GRIK1: variants seen among roughly 807,000 people sequenced by gnomAD.
GRIK1 encodes glutamate receptor ionotropic, kainate 1.
In GRIK1, 69 loss-of-function variants were observed where a neutral mutation model predicts 105.7. The ratio of observed to expected loss-of-function variants is 0.65; its 90% CI spans 0.54 to 0.80. The LOEUF (loss-of-function observed/expected upper bound fraction) is 0.80, where lower values mean the gene tolerates loss of function less well. Among genes scored for constraint, GRIK1 ranks in the 30% least tolerant of loss-of-function variants. GRIK1 has a pLI of 0.00. For missense variants in GRIK1, 1,109 were observed against 1,167.3 expected (o/e 0.95, Z 0.73); for synonymous variants, 438 against 431.3 (o/e 1.02, Z -0.19).
intron 1 of GRIK1, among the ~76,000 whole-genome samples, chr21:29,711,990 A>G (rs2146818252): frequency 6.6e-6 from 1 of 151,890 alleles, no homozygotes; most frequent in African/African-American, 2.4e-5. Context: ...ACTGATATCA[A>G]GATTTGGGTG....
chr21:29,619,258 G>C (rs2061930066), intron 7 of GRIK1, among the ~76,000 whole-genome samples: 1 of 151,926 alleles, frequency 6.6e-6, no homozygotes, highest in African/African-American at 2.4e-5. Flanking sequence ...CCAACATAGT[G>C]AAACCTCGTC....
chr21:29,620,810 T>C lies in GRIK1; in HGVS notation c.1099-21873A>G, dbSNP rs139001797. Among the ~76,000 whole-genome samples, 73 of 114,968 alleles carry C rather than the reference T, an allele frequency of 6.3e-4. 1 individual carries two copies. The highest frequency in any genetic ancestry group is 3.4e-3 in the Admixed American group (40 of 11,740). The allele number at this position is 114,968 out of a possible 152,430, so 75.4% of individuals were successfully genotyped here. On this transcript the variant is annotated intron_variant, in intron 7 of 17. Coordinates refer to ENST00000327783, the MANE Select transcript of GRIK1 (RefSeq NM_001330994.2). ...ATATATATCTATATATATATAGATA[T>C]ATATATATAGTAATAATATATTATA...
intron 6 of GRIK1, among the ~76,000 whole-genome samples, chr21:29,646,766 T>A (rs1166453382): frequency 6.6e-6 from 1 of 152,190 alleles, no homozygotes; most frequent in Non-Finnish European, 1.5e-5. Context: ...CATCTTGGGC[T>A]ATATGTGCAA....
At chr21:29,539,987 G>A (rs1433506343) in intron 16 of GRIK1, among the ~76,000 whole-genome samples, 2 of 152,104 alleles carry the variant, frequency 1.3e-5, no homozygotes, top group Non-Finnish European at 2.9e-5. Flanking sequence ...AAACCATTAT[G>A]TTAAGAAATT....
At position 29,543,995 on chromosome 21, in the gene GRIK1, C is replaced by T. The variant is rs559555373; in HGVS notation, c.2608-6111G>A. Among the ~76,000 whole-genome samples, 16 of 152,278 alleles carry T rather than the reference C, an allele frequency of 1.1e-4. No homozygotes were observed. In the South Asian group the frequency reaches 1.9e-3, roughly 18 times the overall value. ...TTACCTCCATGTTGTCTCTTCTGCT[C>T]TATTTAATTTTTGTTCCCACACCTG... On this transcript the variant is annotated intron_variant, in intron 16 of 17. Coordinates refer to ENST00000327783, the MANE Select transcript of GRIK1 (RefSeq NM_001330994.2).
At chr21:29,837,043 A>T (rs1408111928) in intron 1 of GRIK1, among the ~76,000 whole-genome samples, 1 of 152,174 alleles carries the variant, frequency 6.6e-6, no homozygotes, top group Non-Finnish European at 1.5e-5. Flanking sequence ...CCGTAAGTAC[A>T]CCCTGATGCA....
intron 7 of GRIK1, among the ~76,000 whole-genome samples, chr21:29,617,625 A>C (rs2061884027): frequency 6.6e-6 from 1 of 152,242 alleles, no homozygotes; most frequent in African/African-American, 2.4e-5. Context: ...ACATTAAAAC[A>C]GGCTGCTTAT....
intron 1 of GRIK1, among the ~76,000 whole-genome samples, chr21:29,733,175 G>A (rs1254469552): frequency 6.6e-6 from 1 of 152,024 alleles, no homozygotes; most frequent in East Asian, 1.9e-4. Flanking sequence ...TACCATGGAT[G>A]GTTTGTGTAA....
intron 7 of GRIK1, among the ~76,000 whole-genome samples, chr21:29,599,340 A>G (rs1050539266): frequency 2.0e-5 from 3 of 152,210 alleles, no homozygotes; most frequent in African/African-American, 7.2e-5. Flanking sequence ...TGAAAAGAAT[A>G]TAGACTAATA....
At chr21:29,755,164 T>C (rs189463376) in intron 1 of GRIK1, among the ~76,000 whole-genome samples, 1 of 152,342 alleles carries the variant, frequency 6.6e-6, no homozygotes, top group East Asian at 1.9e-4. Context: ...TCTGCTCACC[T>C]CCTTTAAACT....
intron 16 of GRIK1, among the ~76,000 whole-genome samples, chr21:29,552,501 T>C (rs2146117584): frequency 6.6e-6 from 1 of 152,212 alleles, no homozygotes; most frequent in South Asian, 2.1e-4. Flanking sequence ...CTTTATTTTT[T>C]CCTTCTTGCC....
At chr21:29,808,811 T>G (rs2066931590) in intron 1 of GRIK1, among the ~76,000 whole-genome samples, 1 of 152,164 alleles carries the variant, frequency 6.6e-6, no homozygotes, top group African/African-American at 2.4e-5. Context: ...GTTTATAATT[T>G]TCCTTAGCCC....
rs190897483 is a variant in GRIK1 at position 29,846,960 on chromosome 21, A to G, written c.118+92423T>C. 2.0e-5 allele frequency among the ~76,000 whole-genome samples: 3 copies of G among 152,204 alleles called. No homozygotes were observed. In the East Asian group the frequency reaches 5.8e-4, roughly 29 times the overall value. On this transcript the variant is annotated intron_variant, in intron 1 of 17. Transcript: ENST00000327783. The stretch of plus-strand genomic sequence containing the variant: ...ATTCAAATACACATGTCAAGATTTC[A>G]TATATATTTGAGTAACAGTATGGCA...
At chr21:29,754,626 G>A (rs1231585180) in intron 1 of GRIK1, among the ~76,000 whole-genome samples, 1 of 152,200 alleles carries the variant, frequency 6.6e-6, no homozygotes, top group African/African-American at 2.4e-5. Context: ...TTGACCAGGC[G>A]ACAGTACCCA....
intron 7 of GRIK1, among the ~76,000 whole-genome samples, chr21:29,635,406 C>A (rs914444043): frequency 6.6e-6 from 1 of 152,208 alleles, no homozygotes; most frequent in Admixed American, 6.5e-5. Context: ...TGTTGTCTCT[C>A]TGTGTGTCCA....
Position 29,537,201 on chromosome 21 carries a change from C to T in GRIK1, c.*29G>A. The T allele has an allele frequency of 6.5e-7, 1 of 1,530,206 alleles. No homozygotes were observed. The highest frequency in any genetic ancestry group is 8.8e-7 in the Non-Finnish European group (1 of 1,138,994). The allele number at this position is 1,530,206 out of a possible 1,614,324, so 94.8% of individuals were successfully genotyped here. On this transcript the variant is annotated 3_prime_UTR_variant, in exon 18 of 18. Transcript: ENST00000327783. ...TCCAAAAATCTGTAGGGAATGCATC[C>T]TTTTTCTTCCTACAGGCGTTTCCTT...
At chr21:29,870,756 C>G (rs1157848446) in intron 1 of GRIK1, among the ~76,000 whole-genome samples, 1 of 152,126 alleles carries the variant, frequency 6.6e-6, no homozygotes, top group African/African-American at 2.4e-5. Context: ...TCAACCTCCA[C>G]AGTAGAACCA....
intron 1 of GRIK1, among the ~76,000 whole-genome samples, chr21:29,725,007 T>TAAA (rs76948130): frequency 3.6e-5 from 4 of 112,054 alleles, no homozygotes; most frequent in Non-Finnish European, 8.0e-5. Context: ...CTTTGCCACC[T>TAAA]AAAAAAAAAA....
chr21:29,650,812 C>T (rs2062718698), intron 6 of GRIK1, among the ~76,000 whole-genome samples: 1 of 152,180 alleles, frequency 6.6e-6, no homozygotes, highest in African/African-American at 2.4e-5. Flanking sequence ...AGCCACCTTC[C>T]CCACAGCCAC....
Sources: gnomAD v4.1 joint callset for allele counts (sites outside exome capture counted in the v4.1 genomes callset) on GRCh38, gnomAD v4.1.1 for gene constraint, MANE v1.5 for transcripts, NCBI Gene and HGNC (gene_info 2026-07-23, HGNC 2026-07-21) for gene names.